The following ARL15 variants were observed in gnomAD, a reference collection of about 807,000 sequenced individuals.
ARL15 encodes ARF like GTPase 15.
A neutral mutation model predicts 25.2 loss-of-function variants in ARL15; 19 were observed. The ratio of observed to expected loss-of-function variants is 0.75; its 90% CI spans 0.53 to 1.10. The LOEUF is 1.10. Ranked by LOEUF, ARL15 falls within the 50% of genes least tolerant of loss-of-function variation. The probability of loss-of-function intolerance (pLI) is 0.00; values close to 1 mark genes in which losing one functional copy is unlikely to be tolerated. For synonymous variants in ARL15, 94 were observed against 86.8 expected (o/e 1.08, Z -0.46); for missense variants, 220 against 246.0 (o/e 0.89, Z 0.71).
intron 1 of ARL15, among the ~76,000 whole-genome samples, chr5:54,236,196 G>C (rs1249447885): frequency 6.6e-6 from 1 of 152,174 alleles, no homozygotes; most frequent in African/African-American, 2.4e-5. Flanking sequence ...GATAGTGTCT[G>C]ATCGGATAAC....
intron 1 of ARL15, among the ~76,000 whole-genome samples, chr5:54,292,557 T>A (rs550568128): frequency 4.7e-4 from 72 of 152,310 alleles, no homozygotes; most frequent in African/African-American, 1.7e-3. Context: ...ATGAACAGTT[T>A]GCATTTCTGA....
chr5:54,148,090 G>C (rs1753962040), intron 3 of ARL15, among the ~76,000 whole-genome samples: 1 of 152,164 alleles, frequency 6.6e-6, no homozygotes, highest in South Asian at 2.1e-4. Flanking sequence ...ATGAGACTCT[G>C]ACGAAAGAAA....
intron 3 of ARL15, among the ~76,000 whole-genome samples, chr5:54,148,262 G>A (rs1285266832): frequency 2.6e-5 from 4 of 152,134 alleles, no homozygotes; most frequent in African/African-American, 9.7e-5. Context: ...AACAGCACCC[G>A]AAGATAACTA....
chr5:54,031,827 A>AAC (rs1369758691), intron 4 of ARL15, among the ~76,000 whole-genome samples: 3 of 152,090 alleles, frequency 2.0e-5, no homozygotes, highest in African/African-American at 7.2e-5. Flanking sequence ...CACAATCCCC[A>AAC]ACACACACAC....
intron 3 of ARL15, among the ~76,000 whole-genome samples, chr5:54,130,373 G>T (rs1438196390): frequency 6.6e-6 from 1 of 152,204 alleles, no homozygotes; most frequent in African/African-American, 2.4e-5. Flanking sequence ...GCAACACCCA[G>T]TGACGATGTG....
At chr5:54,098,349 C>T (rs1013925174) in intron 4 of ARL15, among the ~76,000 whole-genome samples, 1 of 152,124 alleles carries the variant, frequency 6.6e-6, no homozygotes, top group Non-Finnish European at 1.5e-5. Flanking sequence ...GTCTTTTTCA[C>T]ACCGTTCGAT....
chr5:54,152,196 C>T (rs1244201112), intron 3 of ARL15, among the ~76,000 whole-genome samples: 2 of 152,256 alleles, frequency 1.3e-5, no homozygotes, highest in East Asian at 3.9e-4. Flanking sequence ...TAACTCTCTC[C>T]TCCCAGAAAT....
intron 1 of ARL15, among the ~76,000 whole-genome samples, chr5:54,294,717 A>G (rs1758422852): frequency 1.3e-5 from 2 of 152,262 alleles, no homozygotes; most frequent in South Asian, 4.1e-4. Flanking sequence ...TAATAAAACA[A>G]AAGTCCTTGT....
At chr5:54,309,487 G>T (rs763711693) in intron 1 of ARL15, among the ~76,000 whole-genome samples, 1 of 152,218 alleles carries the variant, frequency 6.6e-6, no homozygotes, top group Non-Finnish European at 1.5e-5. Flanking sequence ...GAGTGCATGT[G>T]TCCAACAAGA....
intron 1 of ARL15, among the ~76,000 whole-genome samples, chr5:54,208,125 G>A (rs749721213): frequency 1.3e-5 from 2 of 152,082 alleles, no homozygotes; most frequent in African/African-American, 4.8e-5. Flanking sequence ...ACTACCCCAA[G>A]AGAGAAAACC....
chr5:54,258,168 C>CAA (rs773543108), intron 1 of ARL15, among the ~76,000 whole-genome samples: 9 of 121,730 alleles, frequency 7.4e-5, no homozygotes, highest in Middle Eastern at 4.3e-3. Flanking sequence ...TTTGTTTCTA[C>CAA]AAAAAAAAAA....
chr5:54,106,070 G>T (rs1053774932), intron 4 of ARL15, among the ~76,000 whole-genome samples: 1 of 152,100 alleles, frequency 6.6e-6, no homozygotes, highest in Non-Finnish European at 1.5e-5. Flanking sequence ...AGGGATTTTG[G>T]AAAGAGAATA....
At chr5:53,959,972 T>C (rs1747308151) in intron 4 of ARL15, among the ~76,000 whole-genome samples, 1 of 152,102 alleles carries the variant, frequency 6.6e-6, no homozygotes, top group Non-Finnish European at 1.5e-5. Flanking sequence ...TGGAGCAGTG[T>C]CTGACATATA....
intron 4 of ARL15, among the ~76,000 whole-genome samples, chr5:54,025,021 A>G (rs1749741624): frequency 6.6e-6 from 1 of 152,200 alleles, no homozygotes; most frequent in Non-Finnish European, 1.5e-5. Context: ...TTATATACAC[A>G]TATTTTTTAA....
intron 4 of ARL15, among the ~76,000 whole-genome samples, chr5:53,973,699 A>G (rs1747827835): frequency 6.6e-6 from 1 of 151,958 alleles, no homozygotes; most frequent in African/African-American, 2.4e-5. Flanking sequence ...TGATTGCGCC[A>G]CTGTACTCCA....
chr5:54,070,513 C>T (rs1352896405), intron 4 of ARL15, among the ~76,000 whole-genome samples: 11 of 152,128 alleles, frequency 7.2e-5, no homozygotes, highest in Non-Finnish European at 1.5e-4. Context: ...GTGGCTCCTC[C>T]ACCTTGGGCT....
intron 4 of ARL15, among the ~76,000 whole-genome samples, chr5:54,089,874 T>C (rs1394250293): frequency 6.6e-6 from 1 of 152,218 alleles, no homozygotes; most frequent in African/African-American, 2.4e-5. Flanking sequence ...TACGAATGTA[T>C]ATTTCTTGTA....
intron 2 of ARL15, among the ~76,000 whole-genome samples, chr5:54,162,024 C>CACACACACACACACACAG (rs148833900): frequency 1.3e-4 from 19 of 145,426 alleles, no homozygotes; most frequent in African/African-American, 3.7e-4. Context: ...CACACACACA[C>CACACACACACACACACAG]AGAGAGAGAT....
chr5:54,282,984 A>T (rs780655370), intron 1 of ARL15, among the ~76,000 whole-genome samples: 2 of 152,250 alleles, frequency 1.3e-5, no homozygotes, highest in African/African-American at 2.4e-5. Context: ...TAGCTGGAGA[A>T]ATATTTTTAG....
Sources: allele counts gnomAD v4.1 joint callset (sites outside exome capture counted in the v4.1 genomes callset), GRCh38; gene constraint gnomAD v4.1.1; transcripts MANE v1.5; gene names NCBI Gene and HGNC (gene_info 2026-07-23, HGNC 2026-07-21).